Variants in ZFYVE28 observed in about 807,000 individuals in gnomAD.
The protein encoded by ZFYVE28 is zinc finger FYVE-type containing 28.
ZFYVE28 carries 40 observed loss-of-function variants against 82.1 expected under a neutral mutation model. The observed-to-expected ratio is 0.49, with a 90% CI of 0.38 to 0.63. The LOEUF is 0.63. ZFYVE28 is among the 30% of genes least tolerant of loss of function. The pLI is 0.00. For missense variants in ZFYVE28, 1,321 were observed against 1,242.1 expected (o/e 1.06, Z -0.96); for synonymous variants, 612 against 546.1 (o/e 1.12, Z -1.68).
intron 1 of ZFYVE28, among the ~76,000 whole-genome samples, chr4:2,405,693 G>C (rs1348195626): frequency 1.3e-5 from 2 of 152,240 alleles, no homozygotes; most frequent in African/African-American, 4.8e-5. Context: ...AGCCAGGTGA[G>C]GCCGACAGCC....
chr4:2,381,617 GGCTGGTCTCAA>G (rs1202753293), intron 1 of ZFYVE28, among the ~76,000 whole-genome samples: 1 of 152,142 alleles, frequency 6.6e-6, no homozygotes, highest in Non-Finnish European at 1.5e-5. Context: ...GTATTGGCCA[GGCTGGTCTCAA>G]GCTCCTGACC....
intron 12 of ZFYVE28, 141 bp downstream of exon 12, chr4:2,271,170 G>A (rs970132502): frequency 2.1e-5 from 18 of 872,456 alleles, no homozygotes; most frequent in Admixed American, 7.5e-5. Context: ...AACAGGGCCC[G>A]GGACCTCCAG....
In ZFYVE28 at chr4:2,351,975, G is replaced by A. The variant is rs538167533; in HGVS notation, c.180+1958C>T. 2.3e-4 allele frequency among the ~76,000 whole-genome samples: 35 copies of A among 152,244 alleles called. No homozygotes were observed. In the East Asian group the frequency reaches 2.5e-3, roughly 11 times the overall value. On this transcript the variant is annotated intron_variant, in intron 2 of 12. Coordinates refer to ENST00000290974, the MANE Select transcript of ZFYVE28 (RefSeq NM_020972.3). Reference sequence around the variant, plus strand: ...GAAATACAATTATCCCTCAGTACACGCAGGGGACAGGTTCCAGGACCCCCA... The same window carrying A: ...GAAATACAATTATCCCTCAGTACACACAGGGGACAGGTTCCAGGACCCCCA...
intron 7 of ZFYVE28, among the ~76,000 whole-genome samples, chr4:2,312,726 CAAAA>C (rs1170479977): frequency 6.2e-5 from 4 of 64,930 alleles, no homozygotes; most frequent in African/African-American, 2.0e-4. Context: ...GACTCTGCCT[CAAAA>C]AAAAAAAAAA....
chr4:2,303,768 C>G (rs1481995229), intron 8 of ZFYVE28, among the ~76,000 whole-genome samples: 1 of 152,216 alleles, frequency 6.6e-6, no homozygotes, highest in Admixed American at 6.5e-5. Context: ...GGTCTCAGCA[C>G]CCCTCATGGC....
At chr4:2,364,768 CCCT>C in intron 1 of ZFYVE28, 1 of 985,556 alleles carries the variant, frequency 1.0e-6, no homozygotes, top group Non-Finnish European at 1.2e-6. Flanking sequence ...CGCCGCCGCG[CCCT>C]CGTCAAGGCG....
chr4:2,385,708 C>G (rs772964165), intron 1 of ZFYVE28, among the ~76,000 whole-genome samples: 1 of 152,090 alleles, frequency 6.6e-6, no homozygotes, highest in Non-Finnish European at 1.5e-5. Flanking sequence ...CAGGACAGCA[C>G]GGGGCAGATT....
intron 1 of ZFYVE28, chr4:2,364,735 A>G: frequency 1.0e-6 from 1 of 985,478 alleles, no homozygotes; most frequent in Non-Finnish European, 1.2e-6. Context: ...GACGCAGGTG[A>G]TGAGCATAAC....
At chr4:2,350,620 G>A (rs1267395216) in intron 2 of ZFYVE28, among the ~76,000 whole-genome samples, 1 of 152,182 alleles carries the variant, frequency 6.6e-6, no homozygotes, top group East Asian at 1.9e-4. Context: ...TCAGGATGGG[G>A]GGCTGGTCCC....
chr4:2,292,940 AT>A (rs1461805720), intron 8 of ZFYVE28, among the ~76,000 whole-genome samples: 24 of 152,342 alleles, frequency 1.6e-4, no homozygotes, highest in African/African-American at 5.8e-4. Flanking sequence ...CTAATACCTC[AT>A]GACCATGTAC....
At chr4:2,290,450 G>A (rs556916469) in intron 8 of ZFYVE28, among the ~76,000 whole-genome samples, 41 of 152,284 alleles carry the variant, frequency 2.7e-4, no homozygotes, top group South Asian at 1.9e-3. Flanking sequence ...CCATGATCCC[G>A]TAGCTACCCT....
At chr4:2,378,098 G>C (rs1286182611) in intron 1 of ZFYVE28, among the ~76,000 whole-genome samples, 1 of 152,234 alleles carries the variant, frequency 6.6e-6, no homozygotes, top group African/African-American at 2.4e-5. Flanking sequence ...CCAGCACTTT[G>C]GGAGGCTGAA....
At chr4:2,301,274 A>G (rs1577973103) in intron 8 of ZFYVE28, among the ~76,000 whole-genome samples, 1 of 152,152 alleles carries the variant, frequency 6.6e-6, no homozygotes, top group East Asian at 1.9e-4. Flanking sequence ...TGATGCTCCC[A>G]CGGTGCACAC....
At chr4:2,308,401 G>C (rs1407831187) in intron 7 of ZFYVE28, among the ~76,000 whole-genome samples, 1 of 151,334 alleles carries the variant, frequency 6.6e-6, no homozygotes, top group African/African-American at 2.4e-5. Context: ...AGCCCATTGA[G>C]AGTAGAACAG....
intron 8 of ZFYVE28, among the ~76,000 whole-genome samples, chr4:2,304,087 G>A (rs573612581): frequency 1.6e-4 from 25 of 152,222 alleles, no homozygotes; most frequent in South Asian, 2.1e-4. Context: ...GGTGCATGAC[G>A]CCCCACAGGG....
intron 1 of ZFYVE28, among the ~76,000 whole-genome samples, chr4:2,387,912 G>A (rs1310461825): frequency 5.3e-5 from 8 of 152,230 alleles, no homozygotes. Flanking sequence ...CCTGAGCCTG[G>A]GAAGCCCTGG....
chr4:2,404,431 C>G (rs1353793339), intron 1 of ZFYVE28, among the ~76,000 whole-genome samples: 2 of 10,770 alleles, frequency 1.9e-4, no homozygotes, highest in Non-Finnish European at 3.7e-4. Flanking sequence ...TCATTCATGA[C>G]AGCCAAAAAT....
rs1423037800 is a variant in ZFYVE28, at chr4:2,409,900, G to C, written c.39+8385C>G. 6.6e-6 allele frequency among the ~76,000 whole-genome samples: 1 copy of C among 152,254 alleles called. No individual in the cohort carries two copies. Among genetic ancestry groups the C allele is most frequent in the Non-Finnish European group, 1.5e-5 (1 of 68,044 alleles). Reference sequence around the variant, plus strand: ...AGGATCCATCTTCAGAGACCAGGAAGATGCCCCCGCCAGGTGGCCACAGTC... The same window carrying C: ...AGGATCCATCTTCAGAGACCAGGAACATGCCCCCGCCAGGTGGCCACAGTC... On this transcript the variant is annotated intron_variant, in intron 1 of 12. Transcript: ENST00000290974. This position sits in a 1 kb window ranked among gnomAD's most constrained non-coding sequence, Gnocchi z 4.4.
At position 2,386,041 on chromosome 4, in the gene ZFYVE28, C is replaced by T. The variant is rs144883359; in HGVS notation, c.40-31968G>A. Among the ~76,000 whole-genome samples, 22 of 152,316 alleles carry T rather than the reference C, an allele frequency of 1.4e-4. No individual in the cohort carries two copies. The East Asian group carries it at 2.7e-3, about 19-fold the overall frequency. On this transcript the variant is annotated intron_variant, in intron 1 of 12. Transcript: ENST00000290974. ...ATCCCAAATGTCTCTTTTCTGTTCC[C>T]ACCAAAAACCCCACAATTTCTTCCC...
Sources: gnomAD v4.1 joint callset for allele counts (sites outside exome capture counted in the v4.1 genomes callset) on GRCh38, gnomAD v4.1.1 for gene constraint, Gnocchi (gnomAD v3.1) non-coding constraint, MANE v1.5 for transcripts, NCBI Gene and HGNC (gene_info 2026-07-23, HGNC 2026-07-21) for gene names.